Variants in IQSEC1 observed in about 807,000 individuals in gnomAD.
IQSEC1 encodes the protein IQ motif and Sec7 domain ArfGEF 1, also known as IQ motif and SEC7 domain-containing protein 1.
IQSEC1 carries 31 observed loss-of-function variants against 91.0 expected under a neutral mutation model. That is an observed-to-expected ratio of 0.34 (90% CI 0.26 to 0.46). IQSEC1 has a LOEUF of 0.46. Ranked by LOEUF, IQSEC1 falls within the 20% of genes least tolerant of loss-of-function variation. The pLI is 1.00. For missense variants in IQSEC1, 1,388 were observed against 1,575.6 expected, an observed-to-expected ratio of 0.88 and a Z score of 2.02; for synonymous variants, 699 against 662.6, an observed-to-expected ratio of 1.05 and a Z score of -0.84.
At chr3:12,958,183 A>G (rs1441432837) in intron 1 of IQSEC1, among the ~76,000 whole-genome samples, 2 of 152,214 alleles carry the variant, frequency 1.3e-5, no homozygotes, top group Non-Finnish European at 2.9e-5. Context: ...CCAGACCTGC[A>G]GCACGGCAGC....
chr3:12,913,526 C>G lies in IQSEC1; in HGVS notation c.2218G>C (p.Val740Leu). The G allele has an allele frequency of 6.2e-7, 1 of 1,606,808 alleles. No individual in the cohort carries two copies. The highest frequency in any genetic ancestry group is 1.1e-5 in the South Asian group (1 of 90,896). Residue 740 changes from valine to leucine, a missense_variant, in exon 9 of 14, where the codon GTC (valine) becomes CTC (leucine). By Grantham distance (32) the Val-to-Leu change is conservative. Transcript: ENST00000613206. ...ACCTCAAAGAGCCGGCAGTAGCAGACCAACCGACGGTGGGGCAGAGAGAGC... is the reference window on the plus strand; with the variant it reads ...ACCTCAAAGAGCCGGCAGTAGCAGAGCAACCGACGGTGGGGCAGAGAGAGC... ...CVLSLPHRRL[V>L]CYCRLFEVPD...
chr3:13,074,939 A>G (rs536462401), upstream of IQSEC1, among the ~76,000 whole-genome samples: 33 of 152,322 alleles, frequency 2.2e-4, no homozygotes, highest in East Asian at 5.2e-3. Flanking sequence ...CTAGGACCCC[A>G]GTCTTCCAGC....
intron 1 of IQSEC1, among the ~76,000 whole-genome samples, chr3:13,002,824 A>T (rs1235297029): frequency 3.3e-5 from 5 of 152,194 alleles, no homozygotes; most frequent in African/African-American, 9.7e-5. Context: ...AAAGCCAGAC[A>T]ATAACAAATG....
At chr3:13,183,008 C>CA (rs1693871220) in intron 1 of IQSEC1, among the ~76,000 whole-genome samples, 1 of 151,806 alleles carries the variant, frequency 6.6e-6, no homozygotes, top group Admixed American at 6.6e-5. Flanking sequence ...ACTAAAAATA[C>CA]AAAAAATTAG....
chr3:12,898,170 C>T lies in IQSEC1; in HGVS notation c.*2813G>A, dbSNP rs553145237. On this transcript the variant is annotated 3_prime_UTR_variant, in exon 14 of 14. Coordinates refer to ENST00000613206, the MANE Select transcript of IQSEC1 (RefSeq NM_001134382.3). ...CTCCCAGGGGATGTGATGACAGGAC[C>T]CCGAAGCTGTGGCTCTGACAGGTGG... The T allele has an allele frequency of 1.3e-5, 2 of 152,372 alleles. No homozygotes were observed. Among genetic ancestry groups the T allele is most frequent in the African/African-American group, 2.4e-5 (1 of 41,558 alleles). The allele number at this position is 152,372 out of a possible 1,614,324, so 9.4% of individuals were successfully genotyped here.
At chr3:12,989,342 T>C (rs1701885655) in intron 1 of IQSEC1, among the ~76,000 whole-genome samples, 1 of 152,230 alleles carries the variant, frequency 6.6e-6, no homozygotes, top group African/African-American at 2.4e-5. Flanking sequence ...TTTCAGATCC[T>C]AGAAATCCCT....
At chr3:13,234,338 G>C (rs1300512330) in intron 1 of IQSEC1, among the ~76,000 whole-genome samples, 1 of 132,870 alleles carries the variant, frequency 7.5e-6, no homozygotes, top group Admixed American at 7.9e-5. Flanking sequence ...TGTGAGCCCT[G>C]TGTCTGTGTG....
Position 13,214,180 on chromosome 3 carries a change from C to T in IQSEC1, c.273-50047G>A, listed in dbSNP as rs559451563. Among the ~76,000 whole-genome samples the T allele has an allele frequency of 2.0e-4, 30 of 152,346 alleles. No individual in the cohort carries two copies. The South Asian group carries it at 3.5e-3, about 18-fold the overall frequency. ...TGCCAAAGGGTCCCAACCCTTAACG[C>T]GACGAACCCCTCTCTTACCCTTCTA... On this transcript the variant is annotated intron_variant, in intron 1 of 15. Transcript: ENST00000648114. This position sits in a 1 kb window ranked among gnomAD's most constrained non-coding sequence, Gnocchi z 4.5.
intron 1 of IQSEC1, among the ~76,000 whole-genome samples, chr3:12,944,063 G>A (rs1336249820): frequency 6.6e-6 from 1 of 152,220 alleles, no homozygotes; most frequent in Non-Finnish European, 1.5e-5. Context: ...ATCAGATTGA[G>A]AATCAGGGCA....
chr3:13,066,557 TGGCAGGGTGAGCCTTCCA>T (rs1027361795), intron 1 of IQSEC1, among the ~76,000 whole-genome samples: 23 of 152,174 alleles, frequency 1.5e-4, no homozygotes, highest in Non-Finnish European at 2.6e-4. Flanking sequence ...GGCAAGAGTG[TGGCAGGGTGAGCCTTCCA>T]GGCAGGGCTG....
chr3:12,994,440 CGCTGCAGCGGAT>C lies in IQSEC1; in HGVS notation c.24-52587_24-52576del, dbSNP rs1702140169. 6.6e-6 allele frequency among the ~76,000 whole-genome samples: 1 copy of C among 152,068 alleles called. No homozygotes were observed. The highest frequency in any genetic ancestry group is 2.1e-4 in the South Asian group (1 of 4,834). On this transcript the variant is annotated intron_variant, in intron 1 of 13. Transcript: ENST00000613206. The surrounding 1 kb of genome is among the most constrained non-coding windows in gnomAD (Gnocchi z 4.5). ...TGGAGGGCGCTCAGGTCGGTGCAGC[CGCTGCAGCGGAT>C]GGGTCAGGAGAGCGGGGTACGCGGG... is the stretch of plus-strand genomic sequence containing the variant.
chr3:13,190,908 C>T (rs1694011886), intron 1 of IQSEC1, among the ~76,000 whole-genome samples: 1 of 152,190 alleles, frequency 6.6e-6, no homozygotes, highest in Admixed American at 6.5e-5. Context: ...TGACTCCAGG[C>T]CCCTGACACA....
At chr3:12,943,636 TC>T (rs939187062) in intron 1 of IQSEC1, among the ~76,000 whole-genome samples, 3 of 152,134 alleles carry the variant, frequency 2.0e-5, no homozygotes, top group African/African-American at 7.2e-5. Flanking sequence ...CCTTCAGACC[TC>T]CTTCAGACCC....
At chr3:13,144,792 A>G (rs1706860941) in intron 2 of IQSEC1, among the ~76,000 whole-genome samples, 1 of 152,172 alleles carries the variant, frequency 6.6e-6, no homozygotes. Context: ...ATAGCCCAGG[A>G]GCTCTGCTGA....
chr3:13,006,511 G>A (rs1382912279), intron 1 of IQSEC1, among the ~76,000 whole-genome samples: 3 of 152,246 alleles, frequency 2.0e-5, no homozygotes, highest in Admixed American at 6.5e-5. Context: ...GGCAGACATG[G>A]GAGTGGGGCC....
chr3:13,221,523 G>A (rs529873132), intron 1 of IQSEC1, among the ~76,000 whole-genome samples: 73 of 152,314 alleles, frequency 4.8e-4, no homozygotes, highest in Non-Finnish European at 8.7e-4. Flanking sequence ...AACTGCCTGC[G>A]GCCAAGCCCC....
intron 2 of IQSEC1, among the ~76,000 whole-genome samples, chr3:13,095,809 C>T (rs1705945368): frequency 6.6e-6 from 1 of 152,168 alleles, no homozygotes; most frequent in South Asian, 2.1e-4. Flanking sequence ...GCTTTTATTC[C>T]ACAGCCCCAC....
intron 1 of IQSEC1, among the ~76,000 whole-genome samples, chr3:13,047,867 G>T (rs2125056502): frequency 6.6e-6 from 1 of 152,252 alleles, no homozygotes; most frequent in African/African-American, 2.4e-5. Context: ...TGTTTGACCT[G>T]AGCCACCATG....
chr3:13,210,623 A>G (rs1694426366), intron 1 of IQSEC1, among the ~76,000 whole-genome samples: 1 of 152,146 alleles, frequency 6.6e-6, no homozygotes, highest in Admixed American at 6.5e-5. Context: ...GCCCGTGGAA[A>G]CTGCAGGCAG....
Sources: allele counts gnomAD v4.1 joint callset (sites outside exome capture counted in the v4.1 genomes callset), GRCh38; gene constraint gnomAD v4.1.1; non-coding constraint Gnocchi (gnomAD v3.1); transcripts MANE v1.5; gene names NCBI Gene and HGNC (gene_info 2026-07-23, HGNC 2026-07-21).